Variants in HSD17B12 observed in about 807,000 individuals in gnomAD.
HSD17B12 encodes the protein very-long-chain 3-oxoacyl-CoA reductase.
Under a neutral mutation model 39.3 loss-of-function variants are expected in HSD17B12, and 32 were observed. The ratio of observed to expected loss-of-function variants is 0.81; its 90% CI spans 0.61 to 1.09. The LOEUF is 1.09. HSD17B12 is among the 50% of genes least tolerant of loss of function. The pLI, the probability that HSD17B12 is intolerant of heterozygous loss-of-function variation, is 0.00. For missense variants in HSD17B12, 342 were observed against 382.9 expected (o/e 0.89, Z 0.89); for synonymous variants, 150 against 146.7 (o/e 1.02, Z -0.16).
chr11:43,838,171 C>T lies in HSD17B12; in HGVS notation c.537-146C>T. The T allele has an allele frequency of 6.2e-6, 4 of 643,020 alleles. No homozygotes were observed. In the South Asian group the frequency reaches 7.2e-5, roughly 12 times the overall value. 39.8% of individuals were successfully genotyped at this position (643,020 alleles called of 1,614,324 possible). A position where few individuals can be genotyped will look rare whatever the true frequency, so the allele number is the denominator to read the frequency against. On this transcript the variant is annotated intron_variant, in intron 7 of 10. Coordinates refer to ENST00000278353, the MANE Select transcript of HSD17B12 (RefSeq NM_016142.3). ...TCTCATTTACTGACCAAGCATAGCA[C>T]ATACTGATGAAAGGCAGGGAGAGAT...
At chr11:43,719,068 T>C (rs1274694595) in intron 1 of HSD17B12, 4 of 793,698 alleles carry the variant, frequency 5.0e-6, no homozygotes, top group Non-Finnish European at 6.7e-6. Flanking sequence ...TTCAGCCTGA[T>C]GGAGAGAAGA....
chr11:43,778,515 G>A (rs1468531311), intron 3 of HSD17B12, among the ~76,000 whole-genome samples: 2 of 151,056 alleles, frequency 1.3e-5, no homozygotes, highest in South Asian at 2.1e-4. Flanking sequence ...TACCAAAGCC[G>A]GGCAGAGACA....
At chr11:43,572,389 A>G in the HSD17B12 span, among the ~76,000 whole-genome samples, 1 of 152,184 alleles carries the variant, frequency 6.6e-6, no homozygotes. Flanking sequence ...AATGTCTGAG[A>G]AAGTCCCAGA....
the HSD17B12 span, among the ~76,000 whole-genome samples, chr11:43,598,574 T>A: frequency 1.3e-5 from 2 of 152,148 alleles, no homozygotes; most frequent in African/African-American, 4.8e-5. Context: ...CTTCTCTTCC[T>A]GCTTTGTTTT....
the HSD17B12 span, among the ~76,000 whole-genome samples, chr11:43,629,868 T>C: frequency 5.6e-4 from 86 of 152,338 alleles, no homozygotes; most frequent in African/African-American, 2.0e-3. Context: ...TAACTATTTG[T>C]ATTTAGTTTG....
chr11:43,700,703 T>C (rs906462731), intron 1 of HSD17B12, among the ~76,000 whole-genome samples: 1 of 152,232 alleles, frequency 6.6e-6, no homozygotes, highest in African/African-American at 2.4e-5. Flanking sequence ...CCATTGTGTA[T>C]ATGTACCACA....
At chr11:43,793,454 A>G (rs1008009132) in intron 3 of HSD17B12, among the ~76,000 whole-genome samples, 1 of 152,212 alleles carries the variant, frequency 6.6e-6, no homozygotes, top group Non-Finnish European at 1.5e-5. Context: ...CTCAGACTTA[A>G]TATCCCCAGC....
chr11:43,594,112 C>A, the HSD17B12 span, among the ~76,000 whole-genome samples: 1 of 152,162 alleles, frequency 6.6e-6, no homozygotes, highest in East Asian at 1.9e-4. Context: ...ATCCTTCACC[C>A]TAATAATTGG....
the HSD17B12 span, among the ~76,000 whole-genome samples, chr11:43,567,486 G>C: frequency 6.6e-6 from 1 of 152,226 alleles, no homozygotes. Flanking sequence ...AATATTTCTA[G>C]TGGAGAAAAA....
At chr11:43,838,477 C>G in intron 8 of HSD17B12, 79 bp downstream of exon 8, 1 of 1,105,900 alleles carries the variant, frequency 9.0e-7, no homozygotes, top group Non-Finnish European at 1.4e-6. Flanking sequence ...GTAGATTTAA[C>G]TTTCCTGAAG....
In HSD17B12 at chr11:43,742,139, A is replaced by ATATATATATT. The variant is rs61178234; in HGVS notation, c.161-8771_161-8770insATATATATTT. ...TATATATATATATATATATATATAT[A>ATATATATATT]TTTTTTTTTTTAAATTGAGACAGGA... On this transcript the variant is annotated intron_variant, in intron 1 of 10. Coordinates refer to ENST00000278353, the MANE Select transcript of HSD17B12 (RefSeq NM_016142.3). Among the ~76,000 whole-genome samples the ATATATATATT allele has an allele frequency of 3.1e-3, 385 of 123,428 alleles. 1 individual carries two copies. The highest frequency in any genetic ancestry group is 5.1e-3 in the South Asian group (19 of 3,760). 81.0% of individuals were successfully genotyped at this position (123,428 alleles called of 152,430 possible).
intron 6 of HSD17B12, among the ~76,000 whole-genome samples, chr11:43,826,210 G>A (rs1420114114): frequency 2.0e-5 from 3 of 151,546 alleles, no homozygotes; most frequent in African/African-American, 7.3e-5. Flanking sequence ...AGCCTCCCGA[G>A]TAGCTGGAAC....
the HSD17B12 span, among the ~76,000 whole-genome samples, chr11:43,649,976 C>A: frequency 6.0e-3 from 912 of 152,248 alleles, 5 homozygotes; most frequent in African/African-American, 0.021. Flanking sequence ...AGTGAAGAAG[C>A]CATTTTGAAA....
chr11:43,731,697 G>C (rs1211409733), intron 1 of HSD17B12, among the ~76,000 whole-genome samples: 1 of 152,200 alleles, frequency 6.6e-6, no homozygotes, highest in Non-Finnish European at 1.5e-5. Context: ...TTTGGAAACA[G>C]ATACTTCCAG....
At chr11:43,826,144 G>A (rs1447005161) in intron 6 of HSD17B12, among the ~76,000 whole-genome samples, 1 of 148,268 alleles carries the variant, frequency 6.7e-6, no homozygotes, top group African/African-American at 2.5e-5. Context: ...GTGCAGTGGC[G>A]TGATCTCCGC....
At chr11:43,622,439 A>C in the HSD17B12 span, among the ~76,000 whole-genome samples, 1 of 151,924 alleles carries the variant, frequency 6.6e-6, no homozygotes, top group Admixed American at 6.6e-5. Context: ...TCTACAAAAA[A>C]TAAAATAAAA....
intron 1 of HSD17B12, among the ~76,000 whole-genome samples, chr11:43,748,210 C>T (rs543267115): frequency 9.9e-5 from 15 of 152,170 alleles, no homozygotes; most frequent in African/African-American, 3.4e-4. Flanking sequence ...GGAATTAGTC[C>T]AGGTGCCCAT....
chr11:43,566,445 G>A, the HSD17B12 span, among the ~76,000 whole-genome samples: 1 of 152,150 alleles, frequency 6.6e-6, no homozygotes, highest in African/African-American at 2.4e-5. Context: ...ATCAGGCAGT[G>A]AGCAATTGTT....
In HSD17B12 at chr11:43,842,873, A is replaced by AC. The variant is rs572035294; in HGVS notation, c.684+2810dup. Among the ~76,000 whole-genome samples the AC allele has an allele frequency of 7.2e-5, 11 of 152,314 alleles. No homozygotes were observed. In the South Asian group the frequency reaches 2.1e-3, roughly 29 times the overall value. On this transcript the variant is annotated intron_variant, in intron 9 of 10. Coordinates refer to ENST00000278353, the MANE Select transcript of HSD17B12 (RefSeq NM_016142.3). The stretch of plus-strand genomic sequence containing the variant: ...AGGTAGCATTAGGCCTTGTGAACAG[A>AC]CAATCAATTTCTAAAATTCCGTTAA...
Sources: gnomAD v4.1 joint callset for allele counts (sites outside exome capture counted in the v4.1 genomes callset) on GRCh38, gnomAD v4.1.1 for gene constraint, MANE v1.5 for transcripts, NCBI Gene and HGNC (gene_info 2026-07-23, HGNC 2026-07-21) for gene names.